The following FSTL5 variants were observed in gnomAD, a reference collection of about 807,000 sequenced individuals.
FSTL5 encodes the protein follistatin-related protein 5.
A neutral mutation model predicts 89.1 loss-of-function variants in FSTL5; 62 were observed. The ratio of observed to expected loss-of-function variants is 0.70; its 90% CI spans 0.57 to 0.86. FSTL5 has a LOEUF of 0.86. Among genes scored for constraint, FSTL5 ranks in the 40% least tolerant of loss-of-function variants. The pLI, the probability that FSTL5 is intolerant of heterozygous loss-of-function variation, is 0.00. For synonymous variants in FSTL5, 383 were observed against 346.2 expected (o/e 1.11, Z -1.18); for missense variants, 1,057 against 1,001.6 (o/e 1.06, Z -0.75).
chr4:161,961,155 C>T (rs752810581), intron 3 of FSTL5, among the ~76,000 whole-genome samples: 1 of 152,028 alleles, frequency 6.6e-6, no homozygotes, highest in African/African-American at 2.4e-5. Flanking sequence ...TTCTCTGTCA[C>T]CCACACTGGA....
intron 13 of FSTL5, among the ~76,000 whole-genome samples, chr4:161,461,512 G>C (rs1733582676): frequency 6.7e-6 from 1 of 148,622 alleles, no homozygotes; most frequent in Non-Finnish European, 1.5e-5. Flanking sequence ...AATACTTTGA[G>C]GGTGCAGAGG....
chr4:161,426,582 C>A (rs2126328064), intron 15 of FSTL5, among the ~76,000 whole-genome samples: 1 of 152,266 alleles, frequency 6.6e-6, no homozygotes, highest in East Asian at 1.9e-4. Flanking sequence ...GGGAACAAAT[C>A]ATCTAATAGA....
intron 6 of FSTL5, among the ~76,000 whole-genome samples, chr4:161,736,237 T>A (rs1304400652): frequency 6.6e-6 from 1 of 152,208 alleles, no homozygotes; most frequent in Non-Finnish European, 1.5e-5. Context: ...ATATGACTAT[T>A]TAGAAGATAG....
rs558185770 is a variant in FSTL5 at position 161,918,876 on chromosome 4, C to A, written c.409+1528G>T. On this transcript the variant is annotated intron_variant, in intron 4 of 15. Transcript: ENST00000306100. Reference sequence around the variant, plus strand: ...CAGGCTGGTTTTGAACTCCTGACTTCAGGTGATCTGCCCACCTTGGCCTCC... The same window carrying A: ...CAGGCTGGTTTTGAACTCCTGACTTAAGGTGATCTGCCCACCTTGGCCTCC... Among the ~76,000 whole-genome samples the A allele has an allele frequency of 4.6e-5, 7 of 152,130 alleles. No individual in the cohort carries two copies. In the South Asian group the frequency reaches 1.5e-3, roughly 32 times the overall value.
chr4:162,043,320 C>A (rs141335005), intron 2 of FSTL5: 1 of 152,240 alleles, frequency 6.6e-6, no homozygotes, highest in African/African-American at 2.4e-5. Context: ...AAGTGAGTCA[C>A]CTGAATTTTG....
At chr4:162,090,319 T>G (rs1291455949) in intron 2 of FSTL5, among the ~76,000 whole-genome samples, 1 of 151,934 alleles carries the variant, frequency 6.6e-6, no homozygotes, top group Non-Finnish European at 1.5e-5. Flanking sequence ...ACCTACAAAA[T>G]GAGAGGAAAC....
At chr4:162,101,865 T>C (rs1409410754) in intron 2 of FSTL5, among the ~76,000 whole-genome samples, 1 of 152,186 alleles carries the variant, frequency 6.6e-6, no homozygotes, top group Non-Finnish European at 1.5e-5. Flanking sequence ...TTATAATTAA[T>C]TCACACATTG....
chr4:161,449,395 A>G (rs565798477), intron 15 of FSTL5, among the ~76,000 whole-genome samples: 1 of 152,312 alleles, frequency 6.6e-6, no homozygotes, highest in East Asian at 1.9e-4. Flanking sequence ...AAAAATGAGA[A>G]AAGTGGTTTG....
At chr4:162,052,601 G>C (rs1738413437) in intron 2 of FSTL5, among the ~76,000 whole-genome samples, 1 of 151,678 alleles carries the variant, frequency 6.6e-6, no homozygotes, top group Non-Finnish European at 1.5e-5. Flanking sequence ...AGAGTTTTCT[G>C]TGGCAATTCA....
intron 7 of FSTL5, among the ~76,000 whole-genome samples, chr4:161,636,300 CTG>C (rs1445565947): frequency 1.3e-5 from 2 of 151,984 alleles, no homozygotes; most frequent in South Asian, 2.1e-4. Flanking sequence ...TTGAGTCAAA[CTG>C]TACCCAAAGG....
chr4:161,599,796 A>G (rs1454618172), intron 7 of FSTL5, among the ~76,000 whole-genome samples: 1 of 152,124 alleles, frequency 6.6e-6, no homozygotes, highest in Non-Finnish European at 1.5e-5. Context: ...TTGGAAATAA[A>G]TATCCATTTA....
chr4:161,953,493 C>T (rs1409585792), intron 3 of FSTL5, among the ~76,000 whole-genome samples: 2 of 151,518 alleles, frequency 1.3e-5, no homozygotes, highest in Non-Finnish European at 3.0e-5. Context: ...ATAGAAGATA[C>T]ATAATAGAGA....
chr4:161,662,238 T>C (rs1455465479), intron 6 of FSTL5, among the ~76,000 whole-genome samples: 5 of 152,172 alleles, frequency 3.3e-5, no homozygotes. Context: ...ATTCATCCAA[T>C]CCTTGTTATA....
At chr4:161,641,887 A>G (rs1276263643) in intron 7 of FSTL5, among the ~76,000 whole-genome samples, 1 of 152,196 alleles carries the variant, frequency 6.6e-6, no homozygotes, top group Non-Finnish European at 1.5e-5. Context: ...TGAAAAAATA[A>G]TTTAAACTTT....
At chr4:161,582,224 G>A (rs1482522244) in intron 8 of FSTL5, among the ~76,000 whole-genome samples, 1 of 152,076 alleles carries the variant, frequency 6.6e-6, no homozygotes, top group Non-Finnish European at 1.5e-5. Context: ...GACATATTTT[G>A]TTTTTATTAT....
intron 2 of FSTL5, among the ~76,000 whole-genome samples, chr4:162,057,935 C>A (rs1352078635): frequency 6.6e-6 from 1 of 152,068 alleles, no homozygotes; most frequent in Non-Finnish European, 1.5e-5. Context: ...GAGAGTGAGA[C>A]TCCATCTCAA....
rs190802972 is a variant in FSTL5, at chr4:162,147,304, T to C, written c.-17+16311A>G. Among the ~76,000 whole-genome samples, 339 of 152,266 alleles carry C rather than the reference T, an allele frequency of 2.2e-3. 1 individual carries two copies. The highest frequency in any genetic ancestry group is 8.0e-3 in the African/African-American group (333 of 41,548). On this transcript the variant is annotated intron_variant, in intron 1 of 15. Transcript: ENST00000306100. The stretch of plus-strand genomic sequence containing the variant: ...AGTTAAGAAACTAAGAAATAGTTTC[T>C]CCTATTTCTCTTTAGTTAACATTCC...
intron 5 of FSTL5, among the ~76,000 whole-genome samples, chr4:161,767,904 C>CA (rs149226565): frequency 0.21 from 31,673 of 151,358 alleles, 6,072 homozygotes; most frequent in African/African-American, 0.51. Context: ...GACACACCAA[C>CA]GAAAAAAAAT....
Position 161,568,585 on chromosome 4 carries a change from T to C in FSTL5, c.1015+18870A>G, listed in dbSNP as rs75604179. On this transcript the variant is annotated intron_variant, in intron 8 of 15. Coordinates refer to ENST00000306100, the MANE Select transcript of FSTL5 (RefSeq NM_020116.5). ...AGCTGTGTTTATGCAGGCAGAGTTA[T>C]GTCTAACAAATATACACATTAGGAA... Among the ~76,000 whole-genome samples the C allele has an allele frequency of 7.2e-3, 1,103 of 152,170 alleles. 11 individuals are homozygous for C. Among genetic ancestry groups the C allele is most frequent in the African/African-American group, 0.025 (1,047 of 41,432 alleles).
Sources: allele counts gnomAD v4.1 joint callset (sites outside exome capture counted in the v4.1 genomes callset), GRCh38; gene constraint gnomAD v4.1.1; transcripts MANE v1.5; gene names NCBI Gene and HGNC (gene_info 2026-07-23, HGNC 2026-07-21).